HNF4G: variants seen among roughly 807,000 people sequenced by gnomAD.
HNF4G encodes hepatocyte nuclear factor 4 gamma.
In HNF4G, 21 loss-of-function variants were observed where a neutral mutation model predicts 50.9. That is an observed-to-expected ratio of 0.41 (90% CI 0.29 to 0.59). HNF4G has a LOEUF of 0.59. Ranked by LOEUF, HNF4G falls within the 20% of genes least tolerant of loss-of-function variation. HNF4G has a pLI of 0.26. For synonymous variants in HNF4G, 198 were observed against 185.6 expected (o/e 1.07, Z -0.54); for missense variants, 527 against 559.4 (o/e 0.94, Z 0.58).
At chr8:75,508,922 C>G (rs3779737) in intron 2 of HNF4G, among the ~76,000 whole-genome samples, 2,885 of 152,232 alleles carry the variant, frequency 0.019, 87 homozygotes, top group East Asian at 0.14. Flanking sequence ...TGAATGATGT[C>G]ACGAATGAAT....
chr8:75,511,109 A>T (rs1026181136), intron 2 of HNF4G, among the ~76,000 whole-genome samples: 4 of 152,024 alleles, frequency 2.6e-5, no homozygotes, highest in Non-Finnish European at 5.9e-5. Context: ...TTGACATTAT[A>T]ATTATTATTA....
At position 75,514,737 on chromosome 8, in the gene HNF4G, T is replaced by C. The variant is rs191439611; in HGVS notation, c.-24+24529T>C. On this transcript the variant is annotated intron_variant, in intron 2 of 10. Coordinates refer to the HNF4G transcript ENST00000354370. ...TTTTGTTACTGCTGTTTACATTGTTTTAGAAAATTTATAAATTTGTTTTCA... is the reference window on the plus strand; with the variant it reads ...TTTTGTTACTGCTGTTTACATTGTTCTAGAAAATTTATAAATTTGTTTTCA... Among the ~76,000 whole-genome samples, 210 of 152,290 alleles carry C rather than the reference T, an allele frequency of 1.4e-3. 1 individual carries two copies. Among genetic ancestry groups the C allele is most frequent in the African/African-American group, 4.4e-3 (183 of 41,562 alleles).
upstream of HNF4G, among the ~76,000 whole-genome samples, chr8:75,537,799 T>C (rs757695644): frequency 6.6e-6 from 1 of 152,148 alleles, no homozygotes; most frequent in Non-Finnish European, 1.5e-5. Flanking sequence ...AGTGCATTCT[T>C]ACTCAATGAA....
At chr8:75,555,779 T>G (rs2941467) in intron 5 of HNF4G, among the ~76,000 whole-genome samples, 14,371 of 151,872 alleles carry the variant, frequency 0.095, 942 homozygotes, top group African/African-American at 0.18. Flanking sequence ...GCTAGATAGT[T>G]TTAAAATTTT....
intron 1 of HNF4G, among the ~76,000 whole-genome samples, chr8:75,409,045 CCT>C (rs1810430996): frequency 6.6e-6 from 1 of 152,168 alleles, no homozygotes. Flanking sequence ...ACCACCACTC[CCT>C]CTCTTTTCAT....
At chr8:75,556,127 T>C (rs1466324283) in intron 6 of HNF4G, 58 bp downstream of exon 6, 12 of 915,250 alleles carry the variant, frequency 1.3e-5, no homozygotes, top group Non-Finnish European at 2.0e-5. Flanking sequence ...CTTGCAATAT[T>C]ATACAGGGTC....
At chr8:75,470,149 A>C (rs568192285) in intron 1 of HNF4G, among the ~76,000 whole-genome samples, 3 of 152,188 alleles carry the variant, frequency 2.0e-5, no homozygotes, top group Non-Finnish European at 2.9e-5. Flanking sequence ...TTTGCTCTTA[A>C]GCCTTTCAGG....
chr8:75,482,667 C>T (rs1812408222), intron 1 of HNF4G, among the ~76,000 whole-genome samples: 1 of 152,138 alleles, frequency 6.6e-6, no homozygotes, highest in African/African-American at 2.4e-5. Flanking sequence ...CGCCCCCCGG[C>T]TGGTTTTTGT....
chr8:75,559,013 C>T lies in HNF4G; in HGVS notation c.1099C>T (p.Leu367=). 1 of 1,597,604 alleles carries T rather than the reference C, an allele frequency of 6.3e-7. No individual in the cohort carries two copies. The highest frequency in any genetic ancestry group is 1.1e-5 in the South Asian group (1 of 90,722). The change falls in exon 8 of 10, where the codon CTA becomes TTA. Residue 367 remains leucine, a synonymous_variant. Transcript: ENST00000396423. The part of the protein sequence containing the change: ...KLFGMVKIDN[L]LQEMLLGGAS... Reference sequence around the variant, plus strand: ...TTTTGGGATGGTTAAAATTGACAATCTACTTCAGGAAATGCTATTAGGTGG... The same window carrying T: ...TTTTGGGATGGTTAAAATTGACAATTTACTTCAGGAAATGCTATTAGGTGG...
At chr8:75,444,340 A>G (rs2130556726) in intron 1 of HNF4G, among the ~76,000 whole-genome samples, 1 of 151,832 alleles carries the variant, frequency 6.6e-6, no homozygotes, top group African/African-American at 2.4e-5. Context: ...AAATGTAAAG[A>G]CCATTGAGAC....
intron 1 of HNF4G, among the ~76,000 whole-genome samples, chr8:75,444,171 C>T (rs1187805370): frequency 1.3e-5 from 2 of 150,462 alleles, no homozygotes; most frequent in Non-Finnish European, 3.0e-5. Flanking sequence ...TCATATCCAG[C>T]CAAACTAAGC....
intron 1 of HNF4G, among the ~76,000 whole-genome samples, chr8:75,541,093 T>C (rs1806608396): frequency 6.6e-6 from 1 of 152,076 alleles, no homozygotes; most frequent in Admixed American, 6.6e-5. Flanking sequence ...GAAATCACTG[T>C]TTTGTGTCCT....
At chr8:75,428,341 C>G (rs1026517149) in intron 1 of HNF4G, among the ~76,000 whole-genome samples, 4 of 152,122 alleles carry the variant, frequency 2.6e-5, no homozygotes, top group African/African-American at 7.2e-5. Context: ...TATATGCATG[C>G]TTTCATCTCT....
At chr8:75,436,280 G>A (rs1341514013) in intron 1 of HNF4G, among the ~76,000 whole-genome samples, 1 of 152,176 alleles carries the variant, frequency 6.6e-6, no homozygotes, top group Non-Finnish European at 1.5e-5. Context: ...CATGAAAACT[G>A]ACTAGCTCAT....
chr8:75,463,388 T>C (rs970999263), intron 1 of HNF4G, among the ~76,000 whole-genome samples: 5 of 152,152 alleles, frequency 3.3e-5, no homozygotes, highest in Non-Finnish European at 7.4e-5. Context: ...TTTAATTCTT[T>C]TTCTTTAGAA....
chr8:75,555,194 T>C (rs1807077801), intron 5 of HNF4G, among the ~76,000 whole-genome samples: 1 of 152,162 alleles, frequency 6.6e-6, no homozygotes, highest in Non-Finnish European at 1.5e-5. Flanking sequence ...TGGCTTGTAT[T>C]TTGAGAAGCA....
intron 2 of HNF4G, among the ~76,000 whole-genome samples, chr8:75,517,720 G>A (rs976636380): frequency 6.6e-6 from 1 of 152,156 alleles, no homozygotes; most frequent in Non-Finnish European, 1.5e-5. Flanking sequence ...ATGGGCTGGA[G>A]CTAAGTTCTG....
intron 1 of HNF4G, among the ~76,000 whole-genome samples, chr8:75,472,047 G>A (rs918781252): frequency 6.6e-6 from 1 of 152,066 alleles, no homozygotes; most frequent in Non-Finnish European, 1.5e-5. Context: ...TGACATATAT[G>A]CTGATTCTAG....
intron 1 of HNF4G, among the ~76,000 whole-genome samples, chr8:75,463,006 C>G (rs1027999791): frequency 1.3e-5 from 2 of 149,828 alleles, no homozygotes; most frequent in African/African-American, 4.9e-5. Context: ...AAATAATATT[C>G]TGCTGCTCAA....
Sources: gnomAD v4.1 joint callset for allele counts (sites outside exome capture counted in the v4.1 genomes callset) on GRCh38, gnomAD v4.1.1 for gene constraint, MANE v1.5 for transcripts, NCBI Gene and HGNC (gene_info 2026-07-23, HGNC 2026-07-21) for gene names.